TMEM178A: variants seen among roughly 807,000 people sequenced by gnomAD.
The protein encoded by TMEM178A is transmembrane protein 178.
In TMEM178A, 12 loss-of-function variants were observed where a neutral mutation model predicts 29.1. The ratio of observed to expected loss-of-function variants is 0.41; its 90% CI spans 0.26 to 0.67. The LOEUF is 0.67. Among genes scored for constraint, TMEM178A ranks in the 30% least tolerant of loss-of-function variants. TMEM178A has a pLI of 0.29. For synonymous variants in TMEM178A, 210 were observed against 187.2 expected, an observed-to-expected ratio of 1.12 and a Z score of -0.99; for missense variants, 366 against 419.1, an observed-to-expected ratio of 0.87 and a Z score of 1.11.
chr2:39,713,114 G>A lies in TMEM178A; in HGVS notation c.653-3896G>A, dbSNP rs182935378. ...CCTATGACCTTTTCCTGAGATGCAC[G>A]GAGGAGAGTAGAGTGGAGAGAATGC... On this transcript the variant is annotated intron_variant, in intron 3 of 3. Transcript: ENST00000281961. Among the ~76,000 whole-genome samples, 9 of 152,308 alleles carry A rather than the reference G, an allele frequency of 5.9e-5. No homozygotes were observed. In the East Asian group the frequency reaches 1.4e-3, roughly 23 times the overall value.
chr2:39,687,854 T>C (rs1671149390), intron 1 of TMEM178A, among the ~76,000 whole-genome samples: 1 of 152,274 alleles, frequency 6.6e-6, no homozygotes. Flanking sequence ...TAGTGATTCT[T>C]AACTGACAAA....
In TMEM178A at chr2:39,666,138, A is replaced by T. The variant is rs1380198971; in HGVS notation, c.164A>T (p.Gln55Leu). The change falls in exon 1 of 4, where the codon CAG becomes CTG. Residue 55 changes from glutamine (Q) to leucine (L), a missense_variant. Gln to Leu is a moderately radical substitution (Grantham distance 113). Coordinates refer to ENST00000281961, the MANE Select transcript of TMEM178A (RefSeq NM_152390.3). The part of the protein sequence containing the change: ...RSRAGADPPD[Q>L]KNRLMPLSHL... Reference sequence around the variant, plus strand: ...CGCGCGGGCGCCGACCCCCCGGACCAGAAGAACCGCCTGATGCCGCTGTCG... The same window carrying T: ...CGCGCGGGCGCCGACCCCCCGGACCTGAAGAACCGCCTGATGCCGCTGTCG... 6.5e-7 allele frequency: 1 copy of T among 1,534,642 alleles called. No homozygotes were observed. Among genetic ancestry groups the T allele is most frequent in the Non-Finnish European group, 8.7e-7 (1 of 1,147,306 alleles).
intron 3 of TMEM178A, among the ~76,000 whole-genome samples, chr2:39,708,635 T>C (rs1276878607): frequency 6.6e-6 from 1 of 151,552 alleles, no homozygotes; most frequent in African/African-American, 2.4e-5. Context: ...GCCAGGATGG[T>C]CTCGATCTCC....
intron 1 of TMEM178A, among the ~76,000 whole-genome samples, chr2:39,703,522 G>A (rs183278836): frequency 3.3e-5 from 5 of 151,966 alleles, no homozygotes; most frequent in Non-Finnish European, 5.9e-5. Context: ...CTTTTTTCTC[G>A]AGATCTAGAA....
chr2:39,694,341 C>A (rs2148084061), intron 1 of TMEM178A, among the ~76,000 whole-genome samples: 1 of 152,188 alleles, frequency 6.6e-6, no homozygotes, highest in East Asian at 1.9e-4. Context: ...GCAAATCCAG[C>A]CTGTCTTGCT....
chr2:39,731,213 G>A, the TMEM178A span, among the ~76,000 whole-genome samples: 4 of 152,214 alleles, frequency 2.6e-5, no homozygotes, highest in African/African-American at 9.7e-5. Context: ...TTCCAGTGAG[G>A]ACAAATTATT....
chr2:39,708,481 C>G (rs1004817127), intron 3 of TMEM178A, among the ~76,000 whole-genome samples: 6 of 135,006 alleles, frequency 4.4e-5, no homozygotes, highest in Non-Finnish European at 7.7e-5. Context: ...TGCAGTGGCG[C>G]GATCTCGACT....
At chr2:39,688,822 C>G (rs1461874385) in intron 1 of TMEM178A, among the ~76,000 whole-genome samples, 2 of 152,166 alleles carry the variant, frequency 1.3e-5, no homozygotes, top group Admixed American at 1.3e-4. Flanking sequence ...AGAACAGATT[C>G]TCTTTGTAGA....
intron 3 of TMEM178A, among the ~76,000 whole-genome samples, chr2:39,715,444 A>G (rs1484743931): frequency 9.3e-6 from 1 of 107,278 alleles, no homozygotes; most frequent in African/African-American, 3.6e-5. Context: ...TTTGCTTTTC[A>G]CAAGGTTTGA....
chr2:39,723,954 A>G, the TMEM178A span, among the ~76,000 whole-genome samples: 2 of 152,178 alleles, frequency 1.3e-5, no homozygotes, highest in Non-Finnish European at 2.9e-5. Context: ...ACTGCTCTAT[A>G]GTTTTTAAGC....
At chr2:39,683,744 T>G (rs1464209037) in intron 1 of TMEM178A, among the ~76,000 whole-genome samples, 1 of 152,204 alleles carries the variant, frequency 6.6e-6, no homozygotes, top group Non-Finnish European at 1.5e-5. Flanking sequence ...CCCTTCCTTT[T>G]AACACAATCA....
intron 1 of TMEM178A, among the ~76,000 whole-genome samples, chr2:39,679,782 G>C (rs1442708907): frequency 6.6e-6 from 1 of 152,112 alleles, no homozygotes; most frequent in African/African-American, 2.4e-5. Context: ...TGCAATTCCA[G>C]TTACATACTT....
At chr2:39,681,761 AC>A (rs1361707961) in intron 1 of TMEM178A, among the ~76,000 whole-genome samples, 1 of 152,230 alleles carries the variant, frequency 6.6e-6, no homozygotes, top group Non-Finnish European at 1.5e-5. Context: ...AAGAAAAAGC[AC>A]CTTAAATTTA....
chr2:39,702,046 C>T (rs901804043), intron 1 of TMEM178A, among the ~76,000 whole-genome samples: 3 of 151,886 alleles, frequency 2.0e-5, no homozygotes, highest in Non-Finnish European at 4.4e-5. Flanking sequence ...ATTTGGGATC[C>T]CTCAGTGACA....
At chr2:39,702,254 A>G (rs960441165) in intron 1 of TMEM178A, among the ~76,000 whole-genome samples, 3 of 152,082 alleles carry the variant, frequency 2.0e-5, no homozygotes, top group Admixed American at 6.5e-5. Context: ...TGAAGTCTAT[A>G]TTCTTTGTCA....
intron 1 of TMEM178A, 126 bp from the exon 2 acceptor site, chr2:39,703,955 C>A: frequency 1.5e-6 from 1 of 670,012 alleles, no homozygotes; most frequent in South Asian, 2.0e-5. Flanking sequence ...TTTTATTGCT[C>A]TGAATCAAGA....
chr2:39,669,841 A>G (rs78077893), intron 1 of TMEM178A, among the ~76,000 whole-genome samples: 44 of 152,364 alleles, frequency 2.9e-4, no homozygotes, highest in Non-Finnish European at 4.7e-4. Flanking sequence ...CTTTAGAGAT[A>G]TTACATTCAT....
intron 2 of TMEM178A, 112 bp downstream of exon 2, chr2:39,704,306 T>A: frequency 1.2e-6 from 1 of 844,018 alleles, no homozygotes; most frequent in Admixed American, 2.3e-5. Flanking sequence ...TCTGTGAGCC[T>A]CTGGGCCCAA....
At chr2:39,705,130 C>T (rs1671968078) in intron 2 of TMEM178A, among the ~76,000 whole-genome samples, 1 of 152,180 alleles carries the variant, frequency 6.6e-6, no homozygotes, top group Non-Finnish European at 1.5e-5. Flanking sequence ...AAAAGATCAT[C>T]ATAGGAGCCT....
Sources: allele counts gnomAD v4.1 joint callset (sites outside exome capture counted in the v4.1 genomes callset), GRCh38; gene constraint gnomAD v4.1.1; transcripts MANE v1.5; gene names NCBI Gene and HGNC (gene_info 2026-07-23, HGNC 2026-07-21).